APBB2: variants seen among roughly 807,000 people sequenced by gnomAD.
The protein encoded by APBB2 is amyloid beta precursor protein binding family B member 2.
In APBB2, 38 loss-of-function variants were observed where a neutral mutation model predicts 82.5. The observed-to-expected ratio is 0.46, with a 90% CI of 0.36 to 0.60. APBB2 has a LOEUF of 0.60. Among genes scored for constraint, APBB2 ranks in the 20% least tolerant of loss-of-function variants. APBB2 has a pLI of 0.00. For missense variants in APBB2, 772 were observed against 972.3 expected (o/e 0.79, Z 2.74); for synonymous variants, 341 against 368.2 (o/e 0.93, Z 0.85).
chr4:40,826,047 T>A lies in APBB2; in HGVS notation c.1733-77A>T. 1 of 1,103,556 alleles carries A rather than the reference T, an allele frequency of 9.1e-7. No individual in the cohort carries two copies. The highest frequency in any genetic ancestry group is 2.4e-5 in the East Asian group (1 of 42,450). 68.4% of individuals were successfully genotyped at this position (1,103,556 alleles called of 1,614,324 possible). A position where few individuals can be genotyped will look rare whatever the true frequency, so the allele number is the denominator to read the frequency against. On this transcript the variant is annotated intron_variant, in intron 14 of 17. Coordinates refer to ENST00000508593, the MANE Select transcript of APBB2 (RefSeq NM_004307.2). The surrounding 1 kb of genome is among the most constrained non-coding windows in gnomAD (Gnocchi z 4.5). The stretch of plus-strand genomic sequence containing the variant: ...ACACAACAGCCGTGGCTCTGCATCA[T>A]CTGAATGCTCAGGACACGCCCTGTG...
chr4:41,140,416 C>T (rs893882872), intron 2 of APBB2, among the ~76,000 whole-genome samples: 1 of 152,068 alleles, frequency 6.6e-6, no homozygotes, highest in African/African-American at 2.4e-5. Flanking sequence ...TTTAATGTTC[C>T]TAAGACTTAA....
chr4:40,904,355 T>C (rs28723004), intron 10 of APBB2, among the ~76,000 whole-genome samples: 5,850 of 152,018 alleles, frequency 0.038, 367 homozygotes, highest in African/African-American at 0.13. Flanking sequence ...TGCTTGAACC[T>C]GGGAGGCGCA....
At chr4:40,941,199 AC>A (rs1786814613) in intron 7 of APBB2, among the ~76,000 whole-genome samples, 1 of 152,202 alleles carries the variant, frequency 6.6e-6, no homozygotes, top group African/African-American at 2.4e-5. Flanking sequence ...CATTTCTAAC[AC>A]AACATATTAC....
intron 1 of APBB2, among the ~76,000 whole-genome samples, chr4:41,186,709 T>G (rs996455694): frequency 6.6e-6 from 1 of 152,160 alleles, no homozygotes; most frequent in Non-Finnish European, 1.5e-5. Flanking sequence ...CACCATAAAT[T>G]GAAAATATCA....
chr4:40,863,089 C>A (rs950035182), intron 12 of APBB2, among the ~76,000 whole-genome samples: 2 of 152,160 alleles, frequency 1.3e-5, no homozygotes, highest in African/African-American at 4.8e-5. Flanking sequence ...GGATGGGATG[C>A]TGCAGCTCTT....
chr4:41,125,165 T>C (rs1754009679), intron 2 of APBB2, among the ~76,000 whole-genome samples: 1 of 152,236 alleles, frequency 6.6e-6, no homozygotes, highest in African/African-American at 2.4e-5. Flanking sequence ...AAAGGCCAGG[T>C]TGCAGGATGG....
chr4:40,971,047 C>A (rs1374520096), intron 6 of APBB2, among the ~76,000 whole-genome samples: 1 of 152,194 alleles, frequency 6.6e-6, no homozygotes, highest in Non-Finnish European at 1.5e-5. Flanking sequence ...TTCATACATA[C>A]TTGTAACCTT....
At position 41,092,113 on chromosome 4, in the gene APBB2, C is replaced by A. The variant is rs887851508; in HGVS notation, c.-149+8526G>T. Among the ~76,000 whole-genome samples, 3 of 152,326 alleles carry A rather than the reference C, an allele frequency of 2.0e-5. No homozygotes were observed. The South Asian group carries it at 6.2e-4, about 32-fold the overall frequency. The stretch of plus-strand genomic sequence containing the variant: ...CCAAAGCTGATCTTCATTCAAACAA[C>A]AGACATGCATCAAGGGCTGTAAGGC... On this transcript the variant is annotated intron_variant, in intron 3 of 17. Coordinates refer to ENST00000508593, the MANE Select transcript of APBB2 (RefSeq NM_004307.2).
At chr4:40,902,310 G>C (rs73150506) in intron 10 of APBB2, among the ~76,000 whole-genome samples, 5,857 of 152,260 alleles carry the variant, frequency 0.038, 361 homozygotes, top group African/African-American at 0.13. Flanking sequence ...GCTAGCGAAA[G>C]CTTTCTAGTT....
At chr4:41,105,208 T>C (rs1371522956) in intron 2 of APBB2, among the ~76,000 whole-genome samples, 1 of 152,226 alleles carries the variant, frequency 6.6e-6, no homozygotes, top group Non-Finnish European at 1.5e-5. Flanking sequence ...AATGCATAGA[T>C]GTATAGTCTA....
chr4:41,036,855 T>C (rs1453224039), intron 4 of APBB2, among the ~76,000 whole-genome samples: 2 of 152,232 alleles, frequency 1.3e-5, no homozygotes, highest in African/African-American at 4.8e-5. Context: ...TCTCATCTAA[T>C]TAAAACAGTT....
chr4:41,200,689 A>G (rs1027459214), intron 1 of APBB2, among the ~76,000 whole-genome samples: 1 of 152,148 alleles, frequency 6.6e-6, no homozygotes, highest in Admixed American at 6.5e-5. Flanking sequence ...CACTCTATAG[A>G]GCATGTAGAA....
rs1491223078 is a variant in APBB2 at position 40,991,010 on chromosome 4, C to CTTTTTTTTTTTTTTTT, written c.835+22572_835+22573insAAAAAAAAAAAAAAAA. Among the ~76,000 whole-genome samples the CTTTTTTTTTTTTTTTT allele has an allele frequency of 1.9e-4, 25 of 128,704 alleles. 4 individuals are homozygous for CTTTTTTTTTTTTTTTT. The highest frequency in any genetic ancestry group is 1.1e-3 in the South Asian group (4 of 3,638). The allele number at this position is 128,704 out of a possible 152,430, so 84.4% of individuals were successfully genotyped here. ...TTTCTGGTCATTTTGGACTGAGTTT[C>CTTTTTTTTTTTTTTTT]ATTTTTTTTTTTTTTGGAGGCAAGG... is the stretch of plus-strand genomic sequence containing the variant. On this transcript the variant is annotated intron_variant, in intron 6 of 17. Transcript: ENST00000508593.
intron 12 of APBB2, among the ~76,000 whole-genome samples, chr4:40,871,724 T>C (rs969614553): frequency 2.0e-5 from 3 of 152,210 alleles, no homozygotes; most frequent in African/African-American, 7.2e-5. Flanking sequence ...CCATAAAGCA[T>C]TGTGTCAAAA....
chr4:41,059,402 G>A (rs972140144), intron 4 of APBB2, among the ~76,000 whole-genome samples: 7 of 152,236 alleles, frequency 4.6e-5, no homozygotes, highest in Admixed American at 6.5e-5. Context: ...TTGGGGGCAA[G>A]CCCCCCAAAA....
At chr4:41,078,710 G>C (rs1560693307) in intron 3 of APBB2, among the ~76,000 whole-genome samples, 2 of 152,166 alleles carry the variant, frequency 1.3e-5, no homozygotes, top group African/African-American at 4.8e-5. Context: ...GCTTCATATG[G>C]ATAAACACCT....
intron 1 of APBB2, among the ~76,000 whole-genome samples, chr4:41,210,240 C>G (rs567530951): frequency 6.6e-6 from 1 of 152,190 alleles, no homozygotes; most frequent in African/African-American, 2.4e-5. Flanking sequence ...CCTCTCTCCT[C>G]GAATGGCTGC....
chr4:41,074,002 T>C (rs142698306), intron 3 of APBB2, among the ~76,000 whole-genome samples: 117 of 152,328 alleles, frequency 7.7e-4, no homozygotes, highest in African/African-American at 2.6e-3. Context: ...GACACGTGCC[T>C]GTAGTCTCAA....
At chr4:41,176,704 CAA>C (rs1769880562) in intron 1 of APBB2, among the ~76,000 whole-genome samples, 1 of 151,780 alleles carries the variant, frequency 6.6e-6, no homozygotes, top group Non-Finnish European at 1.5e-5. Flanking sequence ...AGTTTAGGAT[CAA>C]AGTTTTAAGA....
Sources: gnomAD v4.1 joint callset for allele counts (sites outside exome capture counted in the v4.1 genomes callset) on GRCh38, gnomAD v4.1.1 for gene constraint, Gnocchi (gnomAD v3.1) non-coding constraint, MANE v1.5 for transcripts, NCBI Gene and HGNC (gene_info 2026-07-23, HGNC 2026-07-21) for gene names.